EML1: variants seen among roughly 807,000 people sequenced by gnomAD.
EML1 encodes echinoderm microtubule-associated protein-like 1.
In EML1, 27 loss-of-function variants were observed where a neutral mutation model predicts 110.4. The ratio of observed to expected loss-of-function variants is 0.24; its 90% CI spans 0.18 to 0.34. The LOEUF is 0.34. Ranked by LOEUF, EML1 falls within the 10% of genes least tolerant of loss-of-function variation. EML1 has a pLI of 1.00. For missense variants in EML1, 741 were observed against 1,030.9 expected, an observed-to-expected ratio of 0.72 and a Z score of 3.85; for synonymous variants, 344 against 385.8, an observed-to-expected ratio of 0.89 and a Z score of 1.27.
At chr14:99,933,954 G>A (rs2060420752) in intron 17 of EML1, among the ~76,000 whole-genome samples, 2 of 152,164 alleles carry the variant, frequency 1.3e-5, no homozygotes, top group African/African-American at 4.8e-5. Flanking sequence ...AATTAGCCAG[G>A]CGCAGTGGCA....
intron 12 of EML1, among the ~76,000 whole-genome samples, chr14:99,910,959 TA>T (rs2059936546): frequency 6.6e-6 from 1 of 152,214 alleles, no homozygotes. Flanking sequence ...GACGGACTTG[TA>T]AATGCAATTT....
intron 17 of EML1, among the ~76,000 whole-genome samples, chr14:99,932,082 G>A (rs901489033): frequency 6.6e-6 from 1 of 152,126 alleles, no homozygotes; most frequent in African/African-American, 2.4e-5. Flanking sequence ...GGTGGGGTGG[G>A]GTGGTCAGAG....
intron 10 of EML1, among the ~76,000 whole-genome samples, chr14:99,908,789 T>C (rs1252441374): frequency 2.6e-5 from 4 of 152,082 alleles, no homozygotes; most frequent in Non-Finnish European, 5.9e-5. Context: ...CAGGAGTCAA[T>C]CGCAGGAGGA....
At chr14:99,739,828 T>C (rs949631266) in intron 1 of EML1, among the ~76,000 whole-genome samples, 17 of 152,136 alleles carry the variant, frequency 1.1e-4, no homozygotes, top group African/African-American at 4.1e-4. Context: ...CCAAGGACAC[T>C]GCTCTGAAAT....
At chr14:99,925,727 T>A (rs2060222027) in intron 17 of EML1, among the ~76,000 whole-genome samples, 1 of 152,162 alleles carries the variant, frequency 6.6e-6, no homozygotes, top group Admixed American at 6.5e-5. Context: ...CCCTTTTACA[T>A]CTCCTCTATG....
intron 17 of EML1, among the ~76,000 whole-genome samples, chr14:99,922,864 CTT>C (rs1162047919): frequency 6.6e-6 from 1 of 152,056 alleles, no homozygotes; most frequent in Admixed American, 6.6e-5. Context: ...AGTAAGTCCT[CTT>C]TATATATTCC....
chr14:99,919,166 G>T (rs893301932), intron 16 of EML1, among the ~76,000 whole-genome samples: 13 of 152,114 alleles, frequency 8.5e-5, no homozygotes, highest in African/African-American at 3.1e-4. Flanking sequence ...TCCAGGTTTT[G>T]ATTGAACATT....
At position 99,939,905 on chromosome 14, in the gene EML1, G is replaced by A. The variant is rs1040299127; in HGVS notation, c.2323-82G>A. 5 of 1,446,378 alleles carry A rather than the reference G, an allele frequency of 3.5e-6. No individual in the cohort carries two copies. The highest frequency in any genetic ancestry group is 2.5e-5 in the Admixed American group (1 of 40,104). 89.6% of individuals were successfully genotyped at this position (1,446,378 alleles called of 1,614,324 possible). On this transcript the variant is annotated intron_variant, in intron 21 of 21. Coordinates refer to ENST00000262233, the MANE Select transcript of EML1 (RefSeq NM_004434.3). The surrounding 1 kb of genome is among the most constrained non-coding windows in gnomAD (Gnocchi z 4.2). Reference sequence around the variant, plus strand: ...AGGGCGAGTAAAGGAATTAAGGCATGCAGTGAGAATTCAAGCACTTTCCCA... The same window carrying A: ...AGGGCGAGTAAAGGAATTAAGGCATACAGTGAGAATTCAAGCACTTTCCCA...
At chr14:99,925,450 C>T (rs931904761) in intron 17 of EML1, among the ~76,000 whole-genome samples, 2 of 151,912 alleles carry the variant, frequency 1.3e-5, no homozygotes, top group Non-Finnish European at 2.9e-5. Flanking sequence ...CAGGGTATTC[C>T]TATGTCTCTA....
intron 1 of EML1, among the ~76,000 whole-genome samples, chr14:99,842,555 G>A (rs1262176137): frequency 1.3e-5 from 2 of 152,128 alleles, no homozygotes; most frequent in African/African-American, 4.8e-5. Flanking sequence ...CACAAATGGG[G>A]GCTCTCCTAA....
At chr14:99,790,866 C>CTTTTTT (rs58349128), upstream of EML1, among the ~76,000 whole-genome samples, 3 of 142,686 alleles carry the variant, frequency 2.1e-5, no homozygotes, top group African/African-American at 7.9e-5. Flanking sequence ...TTTTCTTTTC[C>CTTTTTT]TTTTTTTTTG....
At chr14:99,774,844 TG>T (rs1422824192) in intron 1 of EML1, among the ~76,000 whole-genome samples, 8 of 152,122 alleles carry the variant, frequency 5.3e-5, no homozygotes, top group African/African-American at 1.9e-4. Flanking sequence ...TGAATGAGAA[TG>T]AAAGTTGAGA....
Position 99,775,589 on chromosome 14 carries a change from C to G in EML1, c.-27+1576C>G, listed in dbSNP as rs2057473033. On this transcript the variant is annotated intron_variant, in intron 1 of 22. Transcript: ENST00000327921. The stretch of plus-strand genomic sequence containing the variant: ...GTTGATCTGGCACCATGATGGCAGG[C>G]CCATGGGCTGGGTTTACTCTTCATG... Among the ~76,000 whole-genome samples, 2 of 152,192 alleles carry G rather than the reference C, an allele frequency of 1.3e-5. 1 individual carries two copies. The highest frequency in any genetic ancestry group is 4.1e-4 in the South Asian group (2 of 4,824).
At chr14:99,763,335 T>C (rs373005480) in intron 1 of EML1, among the ~76,000 whole-genome samples, 2 of 152,214 alleles carry the variant, frequency 1.3e-5, no homozygotes, top group East Asian at 1.9e-4. Flanking sequence ...TCTATAAATA[T>C]ACTCACCGCT....
intron 1 of EML1, among the ~76,000 whole-genome samples, chr14:99,802,913 AG>A (rs1474382750): frequency 2.0e-5 from 3 of 152,094 alleles, no homozygotes; most frequent in Non-Finnish European, 2.9e-5. Flanking sequence ...AAAAGCTGAC[AG>A]CAGCCCTCCC....
upstream of EML1, among the ~76,000 whole-genome samples, chr14:99,790,734 C>T (rs1046108437): frequency 1.3e-5 from 2 of 152,198 alleles, no homozygotes; most frequent in African/African-American, 4.8e-5. Flanking sequence ...ATAGCACCTG[C>T]CTGCTGCCTT....
At chr14:99,887,176 C>T (rs1324620576) in intron 4 of EML1, among the ~76,000 whole-genome samples, 1 of 152,192 alleles carries the variant, frequency 6.6e-6, no homozygotes, top group African/African-American at 2.4e-5. Context: ...TTCAAATGTA[C>T]CTCATCCTCC....
intron 1 of EML1, among the ~76,000 whole-genome samples, chr14:99,753,015 A>G (rs1234737517): frequency 6.6e-6 from 1 of 152,028 alleles, no homozygotes; most frequent in African/African-American, 2.4e-5. Context: ...CCTGGCATCT[A>G]TGGGCAAGTG....
At chr14:99,900,435 C>T (rs1566927207) in intron 8 of EML1, among the ~76,000 whole-genome samples, 1 of 152,174 alleles carries the variant, frequency 6.6e-6, no homozygotes, top group Non-Finnish European at 1.5e-5. Context: ...GATCCACCTG[C>T]CTCAGCCTCC....
Sources: gnomAD v4.1 joint callset for allele counts (sites outside exome capture counted in the v4.1 genomes callset) on GRCh38, gnomAD v4.1.1 for gene constraint, Gnocchi (gnomAD v3.1) non-coding constraint, MANE v1.5 for transcripts, NCBI Gene and HGNC (gene_info 2026-07-23, HGNC 2026-07-21) for gene names.